Variants in ACTR3C observed in about 807,000 individuals in gnomAD.
ACTR3C encodes actin related protein 3C, also known as actin-related protein 3C.
ACTR3C carries 18 observed loss-of-function variants against 26.3 expected under a neutral mutation model. That is an observed-to-expected ratio of 0.68 (90% CI 0.47 to 1.01). The LOEUF is 1.01. Among genes scored for constraint, ACTR3C ranks in the 50% least tolerant of loss-of-function variants. The pLI is 0.00. For synonymous variants in ACTR3C, 55 were observed against 94.5 expected (o/e 0.58, Z 2.42); for missense variants, 184 against 250.7 (o/e 0.73, Z 1.80).
the ACTR3C span, among the ~76,000 whole-genome samples, chr7:150,035,105 C>G: frequency 1.4e-5 from 2 of 139,122 alleles, no homozygotes; most frequent in Non-Finnish European, 3.2e-5. Context: ...CACCTAAAAC[C>G]CACAGTCCTC....
chr7:150,129,767 T>C, the ACTR3C span, among the ~76,000 whole-genome samples: 2 of 152,136 alleles, frequency 1.3e-5, no homozygotes, highest in East Asian at 1.9e-4. Context: ...TCTCCGAAAA[T>C]TGATGTATAG....
At chr7:150,195,887 A>G in the ACTR3C span, among the ~76,000 whole-genome samples, 1 of 152,024 alleles carries the variant, frequency 6.6e-6, no homozygotes, top group Non-Finnish European at 1.5e-5. Flanking sequence ...TCAAAAAAAA[A>G]TAATAATAAT....
the ACTR3C span, among the ~76,000 whole-genome samples, chr7:150,214,295 G>A: frequency 3.9e-5 from 6 of 152,122 alleles, no homozygotes; most frequent in Non-Finnish European, 8.8e-5. Flanking sequence ...GAGTTTTAAA[G>A]TGAGTATTAT....
intron 3 of ACTR3C, among the ~76,000 whole-genome samples, chr7:150,292,303 C>T (rs1483086084): frequency 2.6e-5 from 4 of 152,196 alleles, no homozygotes; most frequent in South Asian, 2.1e-4. Context: ...CCTCTGAATA[C>T]CCTCTTCAGA....
the ACTR3C span, among the ~76,000 whole-genome samples, chr7:150,170,008 C>A: frequency 2.0e-5 from 3 of 148,202 alleles, no homozygotes; most frequent in Admixed American, 1.3e-4. Context: ...CATCCCATAG[C>A]TTTTGTGGGC....
the ACTR3C span, among the ~76,000 whole-genome samples, chr7:150,062,479 C>G: frequency 1.3e-5 from 2 of 148,986 alleles, no homozygotes; most frequent in African/African-American, 5.1e-5. Flanking sequence ...CAGTGTTTGT[C>G]ACGGTGCCTG....
the ACTR3C span, among the ~76,000 whole-genome samples, chr7:150,071,964 A>C: frequency 0.99 from 141,102 of 142,418 alleles, 69,902 homozygotes; most frequent in Middle Eastern, 1. Flanking sequence ...ATCTGCTTCT[A>C]TCAGCTTCTT....
At chr7:150,129,669 T>C in the ACTR3C span, among the ~76,000 whole-genome samples, 3 of 152,064 alleles carry the variant, frequency 2.0e-5, no homozygotes, top group Admixed American at 1.3e-4. Flanking sequence ...TGATAAACTT[T>C]AAAAAATATG....
At chr7:150,056,367 C>T in the ACTR3C span, among the ~76,000 whole-genome samples, 3 of 152,110 alleles carry the variant, frequency 2.0e-5, no homozygotes, top group African/African-American at 7.2e-5. Flanking sequence ...GTATCTGCTT[C>T]TTGTGGGTAA....
intron 1 of ACTR3C, among the ~76,000 whole-genome samples, chr7:150,299,007 G>A (rs1416934657): frequency 8.6e-6 from 1 of 116,412 alleles, no homozygotes; most frequent in African/African-American, 3.4e-5. Context: ...TTGAGACAGA[G>A]TCTCACTCTG....
At chr7:150,195,670 G>A in the ACTR3C span, among the ~76,000 whole-genome samples, 1 of 152,248 alleles carries the variant, frequency 6.6e-6, no homozygotes. Context: ...CTTCAGCTCA[G>A]GAGTTAGAGA....
the ACTR3C span, among the ~76,000 whole-genome samples, chr7:150,094,839 T>C: frequency 6.6e-6 from 1 of 150,682 alleles, no homozygotes; most frequent in Admixed American, 6.6e-5. Flanking sequence ...ATGCAAAGCT[T>C]AGAAGCTCAT....
chr7:149,922,969 G>GTTTTTTTTTTTTT, the ACTR3C span, among the ~76,000 whole-genome samples: 8 of 23,104 alleles, frequency 3.5e-4, no homozygotes, highest in East Asian at 4.8e-3. Context: ...GAAATAAAAG[G>GTTTTTTTTTTTTT]CTTTTTTTTT....
chr7:150,210,886 C>T, the ACTR3C span, among the ~76,000 whole-genome samples: 3 of 144,596 alleles, frequency 2.1e-5, no homozygotes, highest in African/African-American at 8.6e-5. Context: ...TATGCACAGT[C>T]AACTATACCT....
the ACTR3C span, among the ~76,000 whole-genome samples, chr7:150,183,306 G>GAGATTCC: frequency 4.2e-5 from 6 of 144,510 alleles, no homozygotes; most frequent in African/African-American, 1.2e-4. Flanking sequence ...ATATGACCAT[G>GAGATTCC]TTGCCACATG....
intron 6 of ACTR3C, among the ~76,000 whole-genome samples, chr7:150,267,189 T>A (rs1834106847): frequency 2.6e-5 from 4 of 151,998 alleles, no homozygotes; most frequent in African/African-American, 9.7e-5. Flanking sequence ...AAGCACCGAG[T>A]GAAGGAAGCC....
the ACTR3C span, among the ~76,000 whole-genome samples, chr7:149,920,538 C>T: frequency 6.6e-6 from 1 of 151,910 alleles, no homozygotes; most frequent in Non-Finnish European, 1.5e-5. Flanking sequence ...GTCTCCAACT[C>T]CTGGGCTCAA....
the ACTR3C span, among the ~76,000 whole-genome samples, chr7:150,013,773 G>A: frequency 6.6e-6 from 1 of 152,202 alleles, no homozygotes; most frequent in African/African-American, 2.4e-5. Flanking sequence ...TTTGAGCTGT[G>A]GCTTAGGGTA....
At chr7:150,194,277 T>G in the ACTR3C span, among the ~76,000 whole-genome samples, 1 of 146,882 alleles carries the variant, frequency 6.8e-6, no homozygotes, top group Non-Finnish European at 1.5e-5. Context: ...TATATATTAT[T>G]ATATAATATA....
Sources: gnomAD v4.1 joint callset for allele counts (sites outside exome capture counted in the v4.1 genomes callset) on GRCh38, gnomAD v4.1.1 for gene constraint, MANE v1.5 for transcripts, NCBI Gene and HGNC (gene_info 2026-07-23, HGNC 2026-07-21) for gene names.